Variants in PIP5K1B observed in about 807,000 individuals in gnomAD.
The protein encoded by PIP5K1B is phosphatidylinositol-4-phosphate 5-kinase type 1 beta, also known as phosphatidylinositol 4-phosphate 5-kinase type-1 beta.
A neutral mutation model predicts 67.0 loss-of-function variants in PIP5K1B; 42 were observed. The ratio of observed to expected loss-of-function variants is 0.63; its 90% CI spans 0.49 to 0.81. PIP5K1B has a LOEUF of 0.81. Among genes scored for constraint, PIP5K1B ranks in the 30% least tolerant of loss-of-function variants. PIP5K1B has a pLI of 0.00. For synonymous variants in PIP5K1B, 214 were observed against 231.4 expected (o/e 0.92, Z 0.68); for missense variants, 459 against 646.3 (o/e 0.71, Z 3.14).
At chr9:68,895,028 T>C (rs1825007086) in intron 8 of PIP5K1B, among the ~76,000 whole-genome samples, 1 of 152,140 alleles carries the variant, frequency 6.6e-6, no homozygotes, top group African/African-American at 2.4e-5. Context: ...GAAGTAAGAC[T>C]CGAACTGGGG....
intron 5 of PIP5K1B, among the ~76,000 whole-genome samples, chr9:68,864,465 C>T (rs1823262061): frequency 6.6e-6 from 1 of 152,192 alleles, no homozygotes; most frequent in Non-Finnish European, 1.5e-5. Context: ...CATGGATAAT[C>T]CTGCTGTTTG....
intron 2 of PIP5K1B, among the ~76,000 whole-genome samples, chr9:68,791,203 C>T (rs1383407094): frequency 1.3e-5 from 2 of 152,156 alleles, no homozygotes; most frequent in South Asian, 2.1e-4. Context: ...TTGAGGTAAT[C>T]GCTCCTGGGA....
At chr9:68,874,330 A>G (rs1028609980) in intron 5 of PIP5K1B, among the ~76,000 whole-genome samples, 1 of 152,088 alleles carries the variant, frequency 6.6e-6, no homozygotes, top group Admixed American at 6.6e-5. Context: ...ATGACCAAAT[A>G]CCTGTTATTA....
intron 11 of PIP5K1B, among the ~76,000 whole-genome samples, chr9:68,920,781 C>G (rs190522971): frequency 2.0e-4 from 29 of 148,328 alleles, no homozygotes; most frequent in African/African-American, 6.8e-4. Flanking sequence ...CTGTCTCTCT[C>G]TCTCACACAC....
chr9:68,856,959 A>G (rs1325859146), intron 4 of PIP5K1B, among the ~76,000 whole-genome samples: 2 of 152,250 alleles, frequency 1.3e-5, no homozygotes, highest in Admixed American at 6.5e-5. Context: ...TGAGATAGGG[A>G]GATTATCTTA....
chr9:69,005,220 T>A (rs997011921), intron 15 of PIP5K1B, among the ~76,000 whole-genome samples: 1 of 152,170 alleles, frequency 6.6e-6, no homozygotes, highest in African/African-American at 2.4e-5. Context: ...AGAGTATCTT[T>A]TATTATTATA....
At position 68,876,772 on chromosome 9, in the gene PIP5K1B, G is replaced by T. The variant is rs543539752; in HGVS notation, c.296G>T (p.Gly99Val). ...TTCCGATATTTCAGAGAACTTTTTG[G>T]TATCAAGCCTGATGATTACTTGGTA... is the stretch of plus-strand genomic sequence containing the variant. ...LAFRYFRELF[G>V]IKPDDYLYSI... is the part of the protein sequence containing the mutation. Residue 99 changes from glycine (G) to valine (V), a missense_variant, in exon 6 of 16, where the codon GGT becomes GTT. Gly to Val is a moderately radical substitution (Grantham distance 109). Coordinates refer to ENST00000265382, the MANE Select transcript of PIP5K1B (RefSeq NM_003558.4). 82 of 1,562,346 alleles carry T rather than the reference G, an allele frequency of 5.2e-5. No homozygotes were observed. Among genetic ancestry groups the T allele is most frequent in the Non-Finnish European group, 6.8e-5 (77 of 1,132,970 alleles).
At chr9:68,898,711 C>T (rs1273479826) in intron 8 of PIP5K1B, among the ~76,000 whole-genome samples, 2 of 152,162 alleles carry the variant, frequency 1.3e-5, no homozygotes, top group African/African-American at 2.4e-5. Context: ...CTTCCTCCCT[C>T]CTCTCCCTCT....
chr9:68,954,897 G>GAC (rs1828306532), intron 14 of PIP5K1B, among the ~76,000 whole-genome samples: 1 of 152,194 alleles, frequency 6.6e-6, no homozygotes, highest in African/African-American at 2.4e-5. Flanking sequence ...AGATCTGTAA[G>GAC]TCCCCAGAGG....
chr9:68,827,382 T>C (rs1042776601), intron 4 of PIP5K1B, among the ~76,000 whole-genome samples: 1 of 152,258 alleles, frequency 6.6e-6, no homozygotes, highest in Non-Finnish European at 1.5e-5. Flanking sequence ...CCACAAGCTA[T>C]GTGTGGCTAT....
chr9:68,948,683 C>G (rs1161105674), intron 14 of PIP5K1B, among the ~76,000 whole-genome samples: 1 of 144,444 alleles, frequency 6.9e-6, no homozygotes, highest in Non-Finnish European at 1.5e-5. Flanking sequence ...TTATAATATG[C>G]CTGTTAGTTT....
At chr9:68,945,337 A>G (rs12348156) in intron 14 of PIP5K1B, among the ~76,000 whole-genome samples, 18,401 of 151,792 alleles carry the variant, frequency 0.12, 1,804 homozygotes, top group African/African-American at 0.27. Flanking sequence ...GTAGAGGCGG[A>G]GTTTCACCAT....
intron 4 of PIP5K1B, among the ~76,000 whole-genome samples, chr9:68,829,638 C>A (rs1834175711): frequency 6.6e-6 from 1 of 152,146 alleles, no homozygotes; most frequent in African/African-American, 2.4e-5. Context: ...TCAAACTACC[C>A]TTTTTAAGAG....
chr9:68,944,328 G>A (rs956950913), intron 14 of PIP5K1B, among the ~76,000 whole-genome samples: 1 of 152,186 alleles, frequency 6.6e-6, no homozygotes, highest in Admixed American at 6.5e-5. Flanking sequence ...TCAAAGTTAA[G>A]AACAATTTCA....
chr9:68,899,573 G>A (rs1825262016), intron 8 of PIP5K1B, among the ~76,000 whole-genome samples: 2 of 152,192 alleles, frequency 1.3e-5, no homozygotes, highest in African/African-American at 4.8e-5. Context: ...CAGTTTCACT[G>A]CAATGCCTGC....
chr9:68,829,958 G>T (rs1468318723), intron 4 of PIP5K1B, among the ~76,000 whole-genome samples: 1 of 152,124 alleles, frequency 6.6e-6, no homozygotes, highest in East Asian at 1.9e-4. Flanking sequence ...TTAGTCTCCT[G>T]GGGGTAGCTG....
At chr9:68,921,510 T>C (rs1826401173) in intron 11 of PIP5K1B, among the ~76,000 whole-genome samples, 1 of 152,156 alleles carries the variant, frequency 6.6e-6, no homozygotes, top group African/African-American at 2.4e-5. Flanking sequence ...ACCATTTCAA[T>C]TTCCTGTTAC....
At chr9:68,853,996 G>A (rs542125356) in intron 4 of PIP5K1B, among the ~76,000 whole-genome samples, 2 of 151,002 alleles carry the variant, frequency 1.3e-5, no homozygotes, top group Non-Finnish European at 2.9e-5. Context: ...TGGGGGAAGA[G>A]AGAGATGGCT....
chr9:68,730,153 G>A (rs1420805937), intron 1 of PIP5K1B, among the ~76,000 whole-genome samples: 2 of 152,142 alleles, frequency 1.3e-5, no homozygotes, highest in African/African-American at 4.8e-5. Context: ...CACTGATCAG[G>A]ATGAAAAAGC....
Sources: allele counts gnomAD v4.1 joint callset (sites outside exome capture counted in the v4.1 genomes callset), GRCh38; gene constraint gnomAD v4.1.1; transcripts MANE v1.5; gene names NCBI Gene and HGNC (gene_info 2026-07-23, HGNC 2026-07-21).